The following DCC variants were observed in gnomAD, a reference collection of about 807,000 sequenced individuals.
The protein encoded by DCC is DCC netrin 1 receptor, also known as netrin receptor DCC.
In DCC, 58 loss-of-function variants were observed where a neutral mutation model predicts 172.5. The ratio of observed to expected loss-of-function variants is 0.34; its 90% CI spans 0.27 to 0.42. DCC has a LOEUF of 0.42. Among genes scored for constraint, DCC ranks in the 10% least tolerant of loss-of-function variants. The pLI, the probability that DCC is intolerant of heterozygous loss-of-function variation, is 1.00. For synonymous variants in DCC, 709 were observed against 644.5 expected (o/e 1.10, Z -1.52); for missense variants, 1,740 against 1,791.0 (o/e 0.97, Z 0.51).
rs138152319 is a variant in DCC at position 53,510,504 on chromosome 18, A to G, written c.4111+10994A>G. On this transcript the variant is annotated intron_variant, in intron 27 of 28. Transcript: ENST00000442544. The stretch of plus-strand genomic sequence containing the variant: ...TTGGGTATAAAAATGCCGTAAGTCA[A>G]AAGAGTATGTGTTTGAGGAGGCTGG... 4.2e-3 allele frequency among the ~76,000 whole-genome samples: 638 copies of G among 152,322 alleles called. 3 individuals carry two copies. Among genetic ancestry groups the G allele is most frequent in the African/African-American group, 0.014 (601 of 41,572 alleles).
intron 2 of DCC, among the ~76,000 whole-genome samples, chr18:52,870,016 T>C (rs532345366): frequency 2.1e-4 from 32 of 151,846 alleles, no homozygotes; most frequent in Admixed American, 6.6e-4. Context: ...CTGGGCCCCT[T>C]TCTGTCCGCT....
rs1407615744 is a variant in DCC, at chr18:52,883,308, TTTTATTTTTA to T, written c.413-22732_413-22723del. 3.9e-4 allele frequency among the ~76,000 whole-genome samples: 58 copies of T among 150,074 alleles called. No individual in the cohort carries two copies. In the East Asian group the frequency reaches 9.9e-3, roughly 25 times the overall value. On this transcript the variant is annotated intron_variant, in intron 2 of 28. Transcript: ENST00000442544. ...CTGTCACTTTGTTATTTGTTTTCTG[TTTTATTTTTA>T]TTTTATTTTTTATTTATTTATTTAT... is the stretch of plus-strand genomic sequence containing the variant.
At chr18:53,352,872 A>G (rs974835579) in intron 15 of DCC, among the ~76,000 whole-genome samples, 8 of 152,074 alleles carry the variant, frequency 5.3e-5, no homozygotes, top group Admixed American at 5.3e-4. Flanking sequence ...TTAATCATTC[A>G]TCTTACACTC....
intron 1 of DCC, among the ~76,000 whole-genome samples, chr18:52,554,043 A>C (rs1040609931): frequency 6.6e-6 from 1 of 152,070 alleles, no homozygotes; most frequent in Non-Finnish European, 1.5e-5. Context: ...CTTATCCATA[A>C]AATGGGGATA....
In DCC at chr18:52,505,482, T is replaced by C. The variant is rs184808040; in HGVS notation, c.91+164604T>C. Among the ~76,000 whole-genome samples the C allele has an allele frequency of 4.6e-3, 708 of 152,316 alleles. 7 individuals carry two copies. Among genetic ancestry groups the C allele is most frequent in the South Asian group, 0.015 (74 of 4,826 alleles). On this transcript the variant is annotated intron_variant, in intron 1 of 28. Transcript: ENST00000442544. ...CATTTAATTTTTAGAACAAAATATG[T>C]ATTTAAAGAAAATATTGAATCTTCG... is the stretch of plus-strand genomic sequence containing the variant.
At chr18:53,332,518 G>A (rs905431449) in intron 14 of DCC, among the ~76,000 whole-genome samples, 1 of 151,946 alleles carries the variant, frequency 6.6e-6, no homozygotes, top group Non-Finnish European at 1.5e-5. Context: ...ATGCATAATA[G>A]GTCTCCATAA....
chr18:52,931,259 A>G (rs557849451), intron 5 of DCC, among the ~76,000 whole-genome samples: 1 of 152,172 alleles, frequency 6.6e-6, no homozygotes, highest in South Asian at 2.1e-4. Context: ...AATTGAATTT[A>G]TTGCCTTCTT....
chr18:53,034,234 C>CA (rs1430446237), intron 5 of DCC, among the ~76,000 whole-genome samples: 1 of 152,012 alleles, frequency 6.6e-6, no homozygotes, highest in Non-Finnish European at 1.5e-5. Flanking sequence ...ATAGATATCT[C>CA]ATGTATAACA....
chr18:53,416,297 A>C (rs1242167179), intron 21 of DCC, 141 bp downstream of exon 21: 1 of 731,732 alleles, frequency 1.4e-6, no homozygotes, highest in Admixed American at 2.0e-5. Context: ...TAATCTTGTT[A>C]ATGAAGTTCT....
Position 53,486,825 on chromosome 18 carries a change from G to C in DCC, c.3765G>C (p.Thr1255=), listed in dbSNP as rs935877388. The change falls in exon 26 of 29, where the codon ACG becomes ACC. Residue 1255 remains threonine (T), a synonymous_variant. Coordinates refer to ENST00000442544, the MANE Select transcript of DCC (RefSeq NM_005215.4). ...PAVVSAIPVP[T]LESAQYPGIL... The stretch of plus-strand genomic sequence containing the variant: ...TCGTGAGCGCCATCCCGGTGCCAAC[G>C]CTAGAAAGTGCCCAGTACCCAGGAA... The C allele has an allele frequency of 6.2e-7, 1 of 1,614,050 alleles. No individual in the cohort carries two copies. The highest frequency in any genetic ancestry group is 1.6e-4 in the Middle Eastern group (1 of 6,062).
chr18:53,016,458 A>G (rs1303232508), intron 5 of DCC, among the ~76,000 whole-genome samples: 10 of 152,090 alleles, frequency 6.6e-5, no homozygotes, highest in Admixed American at 6.5e-4. Context: ...TATAACTTTA[A>G]ATGATACATG....
intron 2 of DCC, among the ~76,000 whole-genome samples, chr18:52,784,910 G>T (rs958204680): frequency 2.1e-5 from 3 of 144,002 alleles, no homozygotes; most frequent in East Asian, 2.2e-4. Context: ...GGTGGAGGGG[G>T]AGAGAGAGAG....
intron 2 of DCC, among the ~76,000 whole-genome samples, chr18:52,869,708 T>C (rs1032502568): frequency 2.6e-5 from 4 of 152,122 alleles, no homozygotes; most frequent in Non-Finnish European, 5.9e-5. Flanking sequence ...GCACCCAAAG[T>C]CTAGAGGGGG....
intron 1 of DCC, among the ~76,000 whole-genome samples, chr18:52,593,072 C>G (rs1657162654): frequency 6.6e-6 from 1 of 152,138 alleles, no homozygotes; most frequent in Admixed American, 6.5e-5. Context: ...AACAAACAGG[C>G]TTATTCAATA....
intron 1 of DCC, among the ~76,000 whole-genome samples, chr18:52,398,393 T>G (rs1986311987): frequency 6.6e-6 from 1 of 152,018 alleles, no homozygotes; most frequent in African/African-American, 2.4e-5. Flanking sequence ...CAACATGAAC[T>G]CTTAGGTGTT....
At chr18:52,756,434 C>T (rs62081904) in intron 2 of DCC, among the ~76,000 whole-genome samples, 15,049 of 152,172 alleles carry the variant, frequency 0.099, 944 homozygotes, top group Middle Eastern at 0.22. Flanking sequence ...CTCCCTTCTA[C>T]TCCTCCTCCT....
chr18:52,576,498 C>T (rs1429968156), intron 1 of DCC, among the ~76,000 whole-genome samples: 4 of 152,146 alleles, frequency 2.6e-5, no homozygotes, highest in African/African-American at 7.2e-5. Context: ...TTCCTCCAAC[C>T]TCATGTTTTA....
chr18:52,478,975 G>T (rs1989174221), intron 1 of DCC, among the ~76,000 whole-genome samples: 1 of 152,132 alleles, frequency 6.6e-6, no homozygotes, highest in South Asian at 2.1e-4. Flanking sequence ...AAATGGCTCT[G>T]CTGGCATGGG....
At chr18:53,294,240 ATAACCC>A (rs2057039333) in intron 12 of DCC, among the ~76,000 whole-genome samples, 1 of 152,226 alleles carries the variant, frequency 6.6e-6, no homozygotes, top group African/African-American at 2.4e-5. Context: ...TTTTTAAAAA[ATAACCC>A]TAACTGTGTT....
Sources: gnomAD v4.1 joint callset for allele counts (sites outside exome capture counted in the v4.1 genomes callset) on GRCh38, gnomAD v4.1.1 for gene constraint, MANE v1.5 for transcripts, NCBI Gene and HGNC (gene_info 2026-07-23, HGNC 2026-07-21) for gene names.